The following MYO3A variants were observed in gnomAD, a reference collection of about 807,000 sequenced individuals.
MYO3A encodes myosin-IIIa.
MYO3A carries 180 observed loss-of-function variants against 192.7 expected under a neutral mutation model. That is an observed-to-expected ratio of 0.93 (90% confidence interval 0.83 to 1.06). The LOEUF (loss-of-function observed/expected upper bound fraction) is 1.06, where lower values mean the gene tolerates loss of function less well. Among genes scored for constraint, MYO3A ranks in the 50% least tolerant of loss-of-function variants. The pLI is 0.00. For missense variants in MYO3A, 1,896 were observed against 1,905.0 expected (o/e 1.00, Z 0.09); for synonymous variants, 628 against 645.3 (o/e 0.97, Z 0.41).
intron 28 of MYO3A, among the ~76,000 whole-genome samples, 194 bp downstream of exon 28, chr10:26,169,068 T>C (rs925419919): frequency 3.3e-5 from 5 of 152,206 alleles, no homozygotes; most frequent in Non-Finnish European, 7.4e-5. Context: ...ACGTTTTGTC[T>C]TAAATAATTT....
At chr10:25,982,942 T>C (rs1320678395) in intron 4 of MYO3A, among the ~76,000 whole-genome samples, 3 of 151,918 alleles carry the variant, frequency 2.0e-5, no homozygotes, top group African/African-American at 7.3e-5. Context: ...CAAACCAAGA[T>C]GAAATCTCTG....
chr10:26,098,644 C>T (rs1417315990), intron 17 of MYO3A, among the ~76,000 whole-genome samples: 4 of 152,192 alleles, frequency 2.6e-5, no homozygotes, highest in African/African-American at 4.8e-5. Context: ...AGCCAATTTT[C>T]CCAGCACCAT....
chr10:26,171,154 G>T (rs1842027730), intron 29 of MYO3A, among the ~76,000 whole-genome samples: 1 of 152,156 alleles, frequency 6.6e-6, no homozygotes, highest in African/African-American at 2.4e-5. Flanking sequence ...TGGGGGCAAG[G>T]AGGAGGGAAC....
chr10:25,979,662 A>G (rs929768098), intron 4 of MYO3A, among the ~76,000 whole-genome samples: 5 of 152,342 alleles, frequency 3.3e-5, no homozygotes, highest in African/African-American at 7.2e-5. Context: ...TACTTTGCAC[A>G]TAATTCTTTT....
chr10:26,166,027 A>G (rs897132898), intron 26 of MYO3A, 40 bp from the exon 27 acceptor site: 15 of 1,527,294 alleles, frequency 9.8e-6, no homozygotes, highest in Non-Finnish European at 1.4e-5. Flanking sequence ...AGATGTTGGC[A>G]CTTTATGCAA....
intron 14 of MYO3A, among the ~76,000 whole-genome samples, chr10:26,079,144 A>G (rs530761263): frequency 6.6e-5 from 10 of 152,014 alleles, no homozygotes; most frequent in Admixed American, 1.3e-4. Flanking sequence ...GTTGCTGTCT[A>G]TCTCATTTCT....
In MYO3A at chr10:25,943,798, G is replaced by T. The variant is rs191164993; in HGVS notation, c.-18+7968G>T. Among the ~76,000 whole-genome samples, 1,323 of 151,240 alleles carry T rather than the reference G, an allele frequency of 8.7e-3. 15 individuals carry two copies. The highest frequency in any genetic ancestry group is 0.029 in the African/African-American group (1,202 of 41,350). Reference sequence around the variant, plus strand: ...TGTGTGTGTGTGTGTGTGTGTGTGTGTGTGTGATTCTTTAGGATTTGGTAC... The same window carrying T: ...TGTGTGTGTGTGTGTGTGTGTGTGTTTGTGTGATTCTTTAGGATTTGGTAC... On this transcript the variant is annotated intron_variant, in intron 2 of 34. Transcript: ENST00000642920.
intron 6 of MYO3A, among the ~76,000 whole-genome samples, chr10:26,010,039 T>C (rs1391588417): frequency 6.6e-6 from 1 of 152,186 alleles, no homozygotes; most frequent in Non-Finnish European, 1.5e-5. Flanking sequence ...TCATCCAGGA[T>C]TGAATGATGC....
chr10:26,087,603 G>A (rs1276900545), intron 14 of MYO3A, among the ~76,000 whole-genome samples: 3 of 152,110 alleles, frequency 2.0e-5, no homozygotes, highest in African/African-American at 7.2e-5. Flanking sequence ...AACTGAAGTG[G>A]TAAAGAAGAA....
chr10:26,113,213 G>A (rs1429659807), intron 17 of MYO3A, among the ~76,000 whole-genome samples: 3 of 152,166 alleles, frequency 2.0e-5, no homozygotes, highest in Non-Finnish European at 2.9e-5. Flanking sequence ...GCTCACGCCT[G>A]TAATCCTAGC....
intron 17 of MYO3A, among the ~76,000 whole-genome samples, chr10:26,105,528 G>T (rs1837743121): frequency 6.6e-6 from 1 of 151,840 alleles, no homozygotes; most frequent in South Asian, 2.1e-4. Context: ...TATATATGTT[G>T]CCCCTTTTAT....
At chr10:26,026,333 C>G (rs1484452806) in intron 9 of MYO3A, 44 bp from the exon 10 acceptor site, 1 of 1,606,500 alleles carries the variant, frequency 6.2e-7, no homozygotes, top group Middle Eastern at 1.7e-4. Flanking sequence ...AGTTTCAAAA[C>G]TCTAACTTAT....
chr10:25,955,618 G>T (rs1837489899), intron 4 of MYO3A, among the ~76,000 whole-genome samples: 1 of 152,126 alleles, frequency 6.6e-6, no homozygotes, highest in Non-Finnish European at 1.5e-5. Flanking sequence ...AGTACTAGCA[G>T]CTCCTGCACT....
At chr10:26,139,052 T>C (rs1840005313) in intron 20 of MYO3A, among the ~76,000 whole-genome samples, 2 of 152,212 alleles carry the variant, frequency 1.3e-5, no homozygotes, top group Non-Finnish European at 2.9e-5. Context: ...AAACACGTCA[T>C]GTTTCTTATT....
At chr10:26,080,611 T>C (rs887700106) in intron 14 of MYO3A, among the ~76,000 whole-genome samples, 1 of 71,380 alleles carries the variant, frequency 1.4e-5, no homozygotes, top group Non-Finnish European at 2.9e-5. Flanking sequence ...GGGGCGGGGG[T>C]GGGTGTTGAA....
At position 26,098,528 on chromosome 10, in the gene MYO3A, A is replaced by G. The variant is rs1013704874; in HGVS notation, c.1776+1846A>G. Reference sequence around the variant, plus strand: ...TGGTATTGCCTAGGTTTTCTTCAAGAGTTTTTATGGGTTTAGGTCTAATAT... The same window carrying G: ...TGGTATTGCCTAGGTTTTCTTCAAGGGTTTTTATGGGTTTAGGTCTAATAT... On this transcript the variant is annotated intron_variant, in intron 17 of 34. Transcript: ENST00000642920. 4.6e-5 allele frequency among the ~76,000 whole-genome samples: 7 copies of G among 152,076 alleles called. No homozygotes were observed. The South Asian group carries it at 6.2e-4, about 13-fold the overall frequency.
chr10:25,989,764 G>A (rs75937700), intron 4 of MYO3A, among the ~76,000 whole-genome samples: 14,458 of 152,144 alleles, frequency 0.095, 1,217 homozygotes, highest in African/African-American at 0.22. Context: ...AATTCATTCA[G>A]TTTTTCAATT....
intron 15 of MYO3A, among the ~76,000 whole-genome samples, chr10:26,094,769 A>G (rs879350522): frequency 1.3e-5 from 2 of 152,192 alleles, no homozygotes; most frequent in Non-Finnish European, 2.9e-5. Flanking sequence ...TTCCATCTAC[A>G]CTGAGATTAT....
rs535040085 is a variant in MYO3A, at chr10:26,109,749, C to T, written c.1777-10927C>T. Among the ~76,000 whole-genome samples the T allele has an allele frequency of 4.6e-5, 7 of 152,316 alleles. No individual in the cohort carries two copies. In the South Asian group the frequency reaches 1.4e-3, roughly 32 times the overall value. On this transcript the variant is annotated intron_variant, in intron 17 of 34. Transcript: ENST00000642920. Reference sequence around the variant, plus strand: ...GAGAAATTCAGATTTGATGAAGAGACTCTTTCCTGGCTACTTTTACAGGTC... The same window carrying T: ...GAGAAATTCAGATTTGATGAAGAGATTCTTTCCTGGCTACTTTTACAGGTC...
Sources: gnomAD v4.1 joint callset for allele counts (sites outside exome capture counted in the v4.1 genomes callset) on GRCh38, gnomAD v4.1.1 for gene constraint, MANE v1.5 for transcripts, NCBI Gene and HGNC (gene_info 2026-07-23, HGNC 2026-07-21) for gene names.